The following CWC27 variants were observed in gnomAD, a reference collection of about 807,000 sequenced individuals.
CWC27 encodes CWC27 spliceosome associated cyclophilin.
A neutral mutation model predicts 63.6 loss-of-function variants in CWC27; 47 were observed. The observed-to-expected ratio is 0.74, with a 90% CI of 0.58 to 0.94. CWC27 has a LOEUF of 0.94. CWC27 is among the 40% of genes least tolerant of loss of function. The probability of loss-of-function intolerance (pLI) is 0.00; values close to 1 mark genes in which losing one functional copy is unlikely to be tolerated. For synonymous variants in CWC27, 175 were observed against 179.8 expected (o/e 0.97, Z 0.22); for missense variants, 495 against 554.3 (o/e 0.89, Z 1.07).
At chr5:64,987,970 C>T (rs1025359154) in intron 13 of CWC27, among the ~76,000 whole-genome samples, 2 of 152,084 alleles carry the variant, frequency 1.3e-5, no homozygotes, top group African/African-American at 4.8e-5. Flanking sequence ...GTGTCTTTCA[C>T]CAAATTTGGG....
chr5:64,939,084 C>T (rs189091156), intron 11 of CWC27, among the ~76,000 whole-genome samples: 8 of 152,204 alleles, frequency 5.3e-5, no homozygotes, highest in Non-Finnish European at 8.8e-5. Context: ...TTTGTTATTA[C>T]CCGCCTTCTG....
At chr5:64,895,380 T>C (rs1233597093) in intron 11 of CWC27, among the ~76,000 whole-genome samples, 1 of 151,698 alleles carries the variant, frequency 6.6e-6, no homozygotes, top group Non-Finnish European at 1.5e-5. Context: ...AGGGACATCA[T>C]GGTCACTTTC....
intron 10 of CWC27, among the ~76,000 whole-genome samples, chr5:64,816,761 G>T (rs1427743499): frequency 1.3e-5 from 2 of 152,084 alleles, no homozygotes; most frequent in Non-Finnish European, 1.5e-5. Flanking sequence ...TTTCAGGCCT[G>T]TGAATAGAGC....
chr5:64,785,422 T>G, intron 4 of CWC27, 59 bp from the exon 5 acceptor site: 1 of 782,044 alleles, frequency 1.3e-6, no homozygotes, highest in Non-Finnish European at 1.9e-6. Flanking sequence ...AAAGGTTTTC[T>G]CTTAATTCAA....
At chr5:64,850,671 G>C (rs1210329136) in intron 10 of CWC27, among the ~76,000 whole-genome samples, 1 of 152,024 alleles carries the variant, frequency 6.6e-6, no homozygotes, top group Non-Finnish European at 1.5e-5. Context: ...GTCTAATAAA[G>C]GGTTAATGTC....
intron 11 of CWC27, among the ~76,000 whole-genome samples, chr5:64,935,201 T>TTTA (rs1413174241): frequency 6.6e-6 from 1 of 152,252 alleles, no homozygotes; most frequent in African/African-American, 2.4e-5. Flanking sequence ...TGAATGGTAA[T>TTTA]GCCTAGGTTT....
chr5:64,902,511 T>G (rs540319064), intron 11 of CWC27, among the ~76,000 whole-genome samples: 45 of 152,344 alleles, frequency 3.0e-4, no homozygotes, highest in African/African-American at 1.1e-3. Flanking sequence ...CTTCAACTTT[T>G]GTTGAAAATG....
intron 11 of CWC27, among the ~76,000 whole-genome samples, chr5:64,956,565 A>G (rs183588449): frequency 1.3e-5 from 2 of 152,154 alleles, no homozygotes; most frequent in East Asian, 1.9e-4. Flanking sequence ...CTCTGCATGA[A>G]TTTCCTAAAT....
intron 11 of CWC27, among the ~76,000 whole-genome samples, chr5:64,917,290 G>C (rs10940013): frequency 0.11 from 16,911 of 152,150 alleles, 2,923 homozygotes; most frequent in African/African-American, 0.37. Context: ...TGGAGACAAA[G>C]TGAGGCACTA....
At chr5:64,887,178 C>A (rs1225449906) in intron 11 of CWC27, among the ~76,000 whole-genome samples, 1 of 151,634 alleles carries the variant, frequency 6.6e-6, no homozygotes. Context: ...GAAAGAAATG[C>A]AATAGGTATA....
At chr5:64,830,863 A>G (rs1745499688) in intron 10 of CWC27, among the ~76,000 whole-genome samples, 1 of 152,120 alleles carries the variant, frequency 6.6e-6, no homozygotes, top group Non-Finnish European at 1.5e-5. Context: ...CATGTTGTAT[A>G]TGTGCCACAT....
chr5:64,995,904 A>C (rs1365637938), intron 13 of CWC27, among the ~76,000 whole-genome samples: 1 of 152,248 alleles, frequency 6.6e-6, no homozygotes, highest in Non-Finnish European at 1.5e-5. Flanking sequence ...CTATGGAGTC[A>C]ATAAAAAGGC....
rs1253358509 is a variant in CWC27, at chr5:64,970,050, G to C, written c.1043-1653G>C. Among the ~76,000 whole-genome samples the C allele has an allele frequency of 2.0e-5, 3 of 152,250 alleles. No individual in the cohort carries two copies. In the South Asian group the frequency reaches 6.2e-4, roughly 32 times the overall value. ...ATACGGCAAAGGAGTTGTCTCTTGAGAGACGTAACTGGAAAGCAAAGCATT... is the reference window on the plus strand; with the variant it reads ...ATACGGCAAAGGAGTTGTCTCTTGACAGACGTAACTGGAAAGCAAAGCATT... On this transcript the variant is annotated intron_variant, in intron 11 of 13. Coordinates refer to ENST00000381070, the MANE Select transcript of CWC27 (RefSeq NM_005869.4).
At chr5:64,905,219 A>AG (rs1479074321) in intron 11 of CWC27, among the ~76,000 whole-genome samples, 3 of 151,418 alleles carry the variant, frequency 2.0e-5, no homozygotes, top group Non-Finnish European at 2.9e-5. Flanking sequence ...AAAAAAAAAA[A>AG]AAAAACACCT....
chr5:64,895,699 T>C (rs578006114), intron 11 of CWC27, among the ~76,000 whole-genome samples: 2 of 152,306 alleles, frequency 1.3e-5, no homozygotes, highest in South Asian at 4.1e-4. Context: ...GTGTGTGTAA[T>C]ATATTTCAAG....
In CWC27 at chr5:64,889,431, A is replaced by G. The variant is rs554493417; in HGVS notation, c.1042+3885A>G. On this transcript the variant is annotated intron_variant, in intron 11 of 13. Coordinates refer to ENST00000381070, the MANE Select transcript of CWC27 (RefSeq NM_005869.4). Reference sequence around the variant, plus strand: ...AAACAACGAAAAGTAAATAAATAAAATGGCACATTTTGAGATGAGAAAATA... The same window carrying G: ...AAACAACGAAAAGTAAATAAATAAAGTGGCACATTTTGAGATGAGAAAATA... 2.3e-3 allele frequency among the ~76,000 whole-genome samples: 344 copies of G among 152,330 alleles called. 1 individual carries two copies. The highest frequency in any genetic ancestry group is 7.9e-3 in the African/African-American group (327 of 41,586).
At chr5:64,839,397 G>A (rs1451268861) in intron 10 of CWC27, among the ~76,000 whole-genome samples, 2 of 152,310 alleles carry the variant, frequency 1.3e-5, no homozygotes, top group East Asian at 3.9e-4. Flanking sequence ...AGTTATATAT[G>A]ATACAAGCAG....
chr5:64,774,811 G>T, intron 2 of CWC27, 24 bp downstream of exon 2: 2 of 1,290,304 alleles, frequency 1.6e-6, no homozygotes, highest in Non-Finnish European at 1.1e-6. Context: ...TATTCTACTG[G>T]AGAAATTCTT....
intron 11 of CWC27, among the ~76,000 whole-genome samples, chr5:64,969,684 T>C (rs1240957606): frequency 6.6e-6 from 1 of 151,396 alleles, no homozygotes; most frequent in Non-Finnish European, 1.5e-5. Context: ...AGGACAAATA[T>C]GATTTGTCCT....
Sources: allele counts gnomAD v4.1 joint callset (sites outside exome capture counted in the v4.1 genomes callset), GRCh38; gene constraint gnomAD v4.1.1; transcripts MANE v1.5; gene names NCBI Gene and HGNC (gene_info 2026-07-23, HGNC 2026-07-21).